Variants in PTPRM observed in about 807,000 individuals in gnomAD.
PTPRM encodes the protein receptor-type tyrosine-protein phosphatase mu.
Under a neutral mutation model 186.7 loss-of-function variants are expected in PTPRM, and 47 were observed. The ratio of observed to expected loss-of-function variants is 0.25; its 90% confidence interval spans 0.20 to 0.32. The LOEUF (loss-of-function observed/expected upper bound fraction) is 0.32, where lower values mean the gene tolerates loss of function less well. Among genes scored for constraint, PTPRM ranks in the 10% least tolerant of loss-of-function variants. The probability of loss-of-function intolerance (pLI) is 1.00; values close to 1 mark genes in which losing one functional copy is unlikely to be tolerated. For synonymous variants in PTPRM, 668 were observed against 674.9 expected, an observed-to-expected ratio of 0.99 and a Z score of 0.16; for missense variants, 1,494 against 1,865.0, an observed-to-expected ratio of 0.80 and a Z score of 3.66.
chr18:8,366,079 T>G (rs1003513961), intron 23 of PTPRM, among the ~76,000 whole-genome samples: 15 of 152,312 alleles, frequency 9.8e-5, no homozygotes, highest in African/African-American at 3.4e-4. Context: ...TAGAATTTGT[T>G]AAGACCTCCC....
At chr18:8,291,629 C>A (rs752664134) in intron 19 of PTPRM, among the ~76,000 whole-genome samples, 2 of 152,066 alleles carry the variant, frequency 1.3e-5, no homozygotes, top group African/African-American at 2.4e-5. Context: ...GCTAAAGAAC[C>A]TTTTATTCTT....
At chr18:8,286,343 G>A (rs2094957049) in intron 19 of PTPRM, among the ~76,000 whole-genome samples, 1 of 152,208 alleles carries the variant, frequency 6.6e-6, no homozygotes, top group Non-Finnish European at 1.5e-5. Flanking sequence ...GTTTTGAGAG[G>A]TGAATTGGTT....
chr18:7,613,994 A>T (rs952477909), intron 1 of PTPRM, among the ~76,000 whole-genome samples: 1 of 152,206 alleles, frequency 6.6e-6, no homozygotes, highest in African/African-American at 2.4e-5. Context: ...TGACACGTTC[A>T]TGACTTAGTG....
At chr18:8,338,529 A>G (rs1212209747) in intron 22 of PTPRM, among the ~76,000 whole-genome samples, 1 of 152,110 alleles carries the variant, frequency 6.6e-6, no homozygotes, top group Non-Finnish European at 1.5e-5. Context: ...GGTATGATGT[A>G]ATGCAGTCAG....
intron 7 of PTPRM, among the ~76,000 whole-genome samples, chr18:7,981,865 A>T (rs2082571976): frequency 6.6e-6 from 1 of 152,206 alleles, no homozygotes. Flanking sequence ...TGTGTAGCTA[A>T]ACATTGAAAC....
Position 8,314,944 on chromosome 18 carries a change from C to T in PTPRM, c.2919+87C>T, listed in dbSNP as rs571553536. 3.2e-4 allele frequency: 257 copies of T among 805,464 alleles called. 1 individual carries two copies. In the African/African-American group the frequency reaches 4.1e-3, roughly 13 times the overall value. 49.9% of individuals were successfully genotyped at this position (805,464 alleles called of 1,614,324 possible). A position where few individuals can be genotyped will look rare whatever the true frequency, so the allele number is the denominator to read the frequency against. ...GATATTTTGATACATGTATACAATG[C>T]ATAATGATTAAATCAGAGTATAAAA... On this transcript the variant is annotated intron_variant, in intron 21 of 32. Coordinates refer to ENST00000580170, the MANE Select transcript of PTPRM (RefSeq NM_001105244.2).
Position 8,392,781 on chromosome 18 carries a change from C to A in PTPRM, c.4209-1695C>A, listed in dbSNP as rs185571146. On this transcript the variant is annotated intron_variant, in intron 31 of 32. Coordinates refer to ENST00000580170, the MANE Select transcript of PTPRM (RefSeq NM_001105244.2). ...GTCAGAAAAGAACAAAAGAGCCAGC[C>A]TGACGGAGCTCCCACTGGCCAAAGC... 1.2e-3 allele frequency among the ~76,000 whole-genome samples: 176 copies of A among 152,250 alleles called. 2 individuals carry two copies. The highest frequency in any genetic ancestry group is 3.1e-3 in the Admixed American group (48 of 15,290).
chr18:7,594,826 A>G (rs557807797), intron 1 of PTPRM, among the ~76,000 whole-genome samples: 1 of 152,310 alleles, frequency 6.6e-6, no homozygotes, highest in South Asian at 2.1e-4. Flanking sequence ...GAGTGAAGGT[A>G]GTTCTATGGG....
intron 31 of PTPRM, among the ~76,000 whole-genome samples, chr18:8,389,819 G>C (rs183754471): frequency 9.2e-5 from 14 of 152,296 alleles, no homozygotes; most frequent in African/African-American, 3.1e-4. Flanking sequence ...ATTCAGCATA[G>C]TGTAGCGCCA....
At chr18:8,123,270 C>G (rs1336375771) in intron 13 of PTPRM, among the ~76,000 whole-genome samples, 1 of 152,086 alleles carries the variant, frequency 6.6e-6, no homozygotes, top group Non-Finnish European at 1.5e-5. Flanking sequence ...AAGTAAGAAG[C>G]AGAAACTACT....
In PTPRM at chr18:8,251,410, C is replaced by T. The variant is rs149256881; in HGVS notation, c.2555-1078C>T. On this transcript the variant is annotated intron_variant, in intron 17 of 32. Coordinates refer to ENST00000580170, the MANE Select transcript of PTPRM (RefSeq NM_001105244.2). Reference sequence around the variant, plus strand: ...GGAGTGGCTCAAAGCTCAAGGGATTCGGTACTTCAGCAGGGTTCCTGTATC... The same window carrying T: ...GGAGTGGCTCAAAGCTCAAGGGATTTGGTACTTCAGCAGGGTTCCTGTATC... 2.4e-3 allele frequency among the ~76,000 whole-genome samples: 370 copies of T among 152,226 alleles called. 2 individuals carry two copies. The highest frequency in any genetic ancestry group is 8.2e-3 in the African/African-American group (339 of 41,548).
At chr18:7,997,008 CA>C (rs1372405743) in intron 7 of PTPRM, among the ~76,000 whole-genome samples, 2 of 152,074 alleles carry the variant, frequency 1.3e-5, no homozygotes, top group African/African-American at 4.8e-5. Flanking sequence ...TAACAAAATA[CA>C]AATGACATTG....
chr18:7,802,696 A>G (rs1425826643), intron 2 of PTPRM, among the ~76,000 whole-genome samples: 1 of 152,218 alleles, frequency 6.6e-6, no homozygotes, highest in Non-Finnish European at 1.5e-5. Context: ...TTCCTAGTAA[A>G]TTGATTTTTT....
chr18:8,371,146 A>G (rs1187450007), intron 24 of PTPRM, 140 bp downstream of exon 24: 8 of 508,884 alleles, frequency 1.6e-5, no homozygotes, highest in Non-Finnish European at 2.4e-5. Flanking sequence ...TCAAGATTGC[A>G]TCTTGCTCTC....
At chr18:7,883,183 T>A (rs182688661) in intron 2 of PTPRM, among the ~76,000 whole-genome samples, 63 of 152,330 alleles carry the variant, frequency 4.1e-4, no homozygotes, top group African/African-American at 1.4e-3. Flanking sequence ...ATTTCTATGC[T>A]AATTTGAATT....
intron 2 of PTPRM, among the ~76,000 whole-genome samples, chr18:7,848,011 T>C (rs2046682095): frequency 6.6e-6 from 1 of 152,208 alleles, no homozygotes; most frequent in Admixed American, 6.5e-5. Flanking sequence ...AGAGGAAATC[T>C]TCCTATCAAA....
At chr18:7,798,357 T>C (rs562973688) in intron 2 of PTPRM, among the ~76,000 whole-genome samples, 180 of 152,038 alleles carry the variant, frequency 1.2e-3, no homozygotes, top group African/African-American at 4.2e-3. Flanking sequence ...GGTGAAACCC[T>C]GTCTCTACTA....
chr18:7,691,832 G>A (rs1316405549), intron 1 of PTPRM, among the ~76,000 whole-genome samples: 7 of 151,910 alleles, frequency 4.6e-5, no homozygotes, highest in Non-Finnish European at 8.8e-5. Context: ...CTACTCAGGC[G>A]GCTGAGGTGG....
intron 14 of PTPRM, among the ~76,000 whole-genome samples, chr18:8,174,932 G>A (rs1210073041): frequency 6.6e-6 from 1 of 152,236 alleles, no homozygotes; most frequent in East Asian, 1.9e-4. Context: ...GGCAATCTGT[G>A]CACTCTTATC....
Sources: allele counts gnomAD v4.1 joint callset (sites outside exome capture counted in the v4.1 genomes callset), GRCh38; gene constraint gnomAD v4.1.1; transcripts MANE v1.5; gene names NCBI Gene and HGNC (gene_info 2026-07-23, HGNC 2026-07-21).